Variants in NWD1 observed in about 807,000 individuals in gnomAD.
NWD1 encodes the protein NACHT domain- and WD repeat-containing protein 1.
In NWD1, 129 loss-of-function variants were observed where a neutral mutation model predicts 135.1. The ratio of observed to expected loss-of-function variants is 0.96; its 90% CI spans 0.83 to 1.11. The LOEUF (loss-of-function observed/expected upper bound fraction) is 1.11. Ranked by LOEUF, NWD1 falls within the 50% of genes least tolerant of loss-of-function variation. NWD1 has a pLI of 0.00. For missense variants in NWD1, 1,740 were observed against 1,851.3 expected (o/e 0.94, Z 1.10); for synonymous variants, 773 against 786.0 (o/e 0.98, Z 0.28).
rs113728633 is a variant in NWD1 at position 16,744,622 on chromosome 19, G to T, written c.400G>T (p.Glu134Ter). The part of the protein sequence containing the change: ...PGTGEACEPE[E>*]ATLTSVLRSG... ...TACTGGGGAGGCCTGTGAACCAGAG[G>T]AGGCCACCTTAACTTCTGTCCTACG... Residue 134 changes from glutamate to a stop codon, truncating the protein, a stop_gained, in exon 5 of 19, where the codon GAG becomes TAG. Transcript: ENST00000524140. LOFTEE classifies it high-confidence loss of function. The T allele has an allele frequency of 3.9e-3, 6,023 of 1,535,028 alleles. 206 individuals carry two copies. In the African/African-American group the frequency reaches 0.073, roughly 19 times the overall value.
chr19:16,759,197 C>T (rs200522149), intron 6 of NWD1, 28 bp from the exon 7 acceptor site: 1 of 1,589,366 alleles, frequency 6.3e-7, no homozygotes, highest in Non-Finnish European at 8.6e-7. Context: ...TGAGATGTGC[C>T]TCAAAGCCCC....
intron 10 of NWD1, among the ~76,000 whole-genome samples, chr19:16,771,831 C>CTTT (rs529711853): frequency 3.7e-5 from 5 of 133,446 alleles, no homozygotes; most frequent in South Asian, 2.4e-4. Flanking sequence ...ATCACGAGTC[C>CTTT]TTTTTTTTTT....
chr19:16,745,009 A>T (rs1968247359), intron 5 of NWD1: 1 of 591,938 alleles, frequency 1.7e-6, no homozygotes. Context: ...TCATGCCACT[A>T]ATAAAGGCAT....
At chr19:16,743,084 T>A (rs1279925512) in intron 4 of NWD1, among the ~76,000 whole-genome samples, 1 of 151,548 alleles carries the variant, frequency 6.6e-6, no homozygotes, top group Non-Finnish European at 1.5e-5. Context: ...GGCTAATTTT[T>A]GTATTTTTAG....
rs958255732 is a variant in NWD1, at chr19:16,763,821, C to T, written c.2134-7C>T. The T allele has an allele frequency of 3.8e-6, 6 of 1,594,630 alleles. No homozygotes were observed. Among genetic ancestry groups the T allele is most frequent in the Non-Finnish European group, 5.2e-6 (6 of 1,162,438 alleles). On this transcript the variant is annotated splice_polypyrimidine_tract_variant and splice_region_variant and intron_variant, in intron 8 of 18. Coordinates refer to ENST00000524140, the MANE Select transcript of NWD1 (RefSeq NM_001007525.5). ...TCCAAGCTGCAGTCTCCCTTCTCCT[C>T]TGCCAGGTGGCCCCGCAGCCTCTGT... is the stretch of plus-strand genomic sequence containing the variant.
intron 3 of NWD1, 91 bp downstream of exon 3, chr19:16,731,369 C>T (rs1025714399): frequency 7.4e-5 from 54 of 729,850 alleles, no homozygotes; most frequent in Admixed American, 3.0e-4. Flanking sequence ...TGCAGTGGTG[C>T]GATCTCGGCT....
intron 3 of NWD1, among the ~76,000 whole-genome samples, chr19:16,732,324 C>T (rs951317843): frequency 6.6e-6 from 1 of 151,656 alleles, no homozygotes; most frequent in African/African-American, 2.4e-5. Flanking sequence ...TGCTTTTGAA[C>T]ACAGATTCAT....
intron 18 of NWD1, among the ~76,000 whole-genome samples, chr19:16,811,637 G>T (rs1297522401): frequency 3.3e-5 from 5 of 151,136 alleles, no homozygotes; most frequent in Non-Finnish European, 5.9e-5. Flanking sequence ...AAAGAAAAAA[G>T]AAATTGAGTC....
chr19:16,787,841 C>T (rs1970088605), intron 12 of NWD1, among the ~76,000 whole-genome samples: 2 of 148,664 alleles, frequency 1.3e-5, no homozygotes, highest in Non-Finnish European at 1.5e-5. Flanking sequence ...GCCTGGGTGA[C>T]AGAGCAAGAC....
chr19:16,742,576 C>T (rs1307813702), intron 4 of NWD1, among the ~76,000 whole-genome samples: 1 of 151,992 alleles, frequency 6.6e-6, no homozygotes, highest in Non-Finnish European at 1.5e-5. Flanking sequence ...TTAGGGTCCT[C>T]TTAGCCCTGC....
At chr19:16,723,916 C>T (rs771514396) in intron 1 of NWD1, among the ~76,000 whole-genome samples, 1 of 151,982 alleles carries the variant, frequency 6.6e-6, no homozygotes, top group African/African-American at 2.4e-5. Flanking sequence ...CGCTGGTCTC[C>T]GACTCCTAAC....
chr19:16,801,768 C>T (rs1442150145), intron 17 of NWD1: 2 of 152,168 alleles, frequency 1.3e-5, no homozygotes, highest in African/African-American at 4.8e-5. Context: ...TGGAGGGAGG[C>T]CTCACGGGAG....
chr19:16,799,604 T>C (rs1970531831), intron 16 of NWD1, among the ~76,000 whole-genome samples: 1 of 152,160 alleles, frequency 6.6e-6, no homozygotes, highest in Non-Finnish European at 1.5e-5. Flanking sequence ...CCTCCCGGGT[T>C]CAAGCGATTC....
At chr19:16,754,220 C>G (rs1968692551) in intron 6 of NWD1, among the ~76,000 whole-genome samples, 1 of 150,116 alleles carries the variant, frequency 6.7e-6, no homozygotes, top group South Asian at 2.2e-4. Flanking sequence ...CTCTCTAAAT[C>G]CATCTATCCA....
chr19:16,803,902 G>T (rs1025820488), intron 17 of NWD1, among the ~76,000 whole-genome samples: 1 of 151,724 alleles, frequency 6.6e-6, no homozygotes, highest in Non-Finnish European at 1.5e-5. Context: ...TCCAGCTTTG[G>T]CAACAGAGTG....
chr19:16,802,989 T>C (rs1970648129), intron 17 of NWD1, among the ~76,000 whole-genome samples: 3 of 151,488 alleles, frequency 2.0e-5, no homozygotes, highest in African/African-American at 7.3e-5. Context: ...CTGGGTAATT[T>C]GTAAAGGAAA....
Position 16,815,366 on chromosome 19 carries a change from GC to G in NWD1, c.*328del. ...TAAAAAAACCCTGTGGGGGTATGGG[GC>G]TCCAGTGAGTTAGCCCCATTTAATC... On this transcript the variant is annotated 3_prime_UTR_variant, in exon 19 of 19. Coordinates refer to ENST00000524140, the MANE Select transcript of NWD1 (RefSeq NM_001007525.5). The G allele has an allele frequency of 1.5e-6, 1 of 683,254 alleles. No homozygotes were observed. The highest frequency in any genetic ancestry group is 1.7e-5 in the South Asian group (1 of 60,436). The allele number at this position is 683,254 out of a possible 1,614,324, so 42.3% of individuals were successfully genotyped here.
intron 5 of NWD1, among the ~76,000 whole-genome samples, chr19:16,746,693 C>A (rs13343512): frequency 0.12 from 8,646 of 72,814 alleles, 417 homozygotes; most frequent in African/African-American, 0.23. Context: ...CAAAAAACAA[C>A]AAAAAAAAAC....
chr19:16,743,012 A>G (rs1057435336), intron 4 of NWD1, among the ~76,000 whole-genome samples: 2 of 151,368 alleles, frequency 1.3e-5, no homozygotes, highest in Non-Finnish European at 2.9e-5. Flanking sequence ...TCCCGGCTTC[A>G]AGCAAGTCTC....
Sources: allele counts gnomAD v4.1 joint callset (sites outside exome capture counted in the v4.1 genomes callset), GRCh38; gene constraint gnomAD v4.1.1; transcripts MANE v1.5; gene names NCBI Gene and HGNC (gene_info 2026-07-23, HGNC 2026-07-21).